Variants in HCK observed in about 807,000 individuals in gnomAD.
The protein encoded by HCK is tyrosine-protein kinase HCK.
Under a neutral mutation model 70.4 loss-of-function variants are expected in HCK, and 40 were observed. That is an observed-to-expected ratio of 0.57 (90% CI 0.44 to 0.74). The LOEUF (loss-of-function observed/expected upper bound fraction) is 0.74. HCK is among the 30% of genes least tolerant of loss of function. The probability of loss-of-function intolerance (pLI) is 0.00; values close to 1 mark genes in which losing one functional copy is unlikely to be tolerated. For synonymous variants in HCK, 245 were observed against 263.2 expected (o/e 0.93, Z 0.67); for missense variants, 568 against 697.2 (o/e 0.81, Z 2.09).
At chr20:32,083,823 G>A (rs1027258135) in intron 6 of HCK, 71 bp from the exon 7 acceptor site, 27 of 1,563,168 alleles carry the variant, frequency 1.7e-5, no homozygotes, top group Admixed American at 3.3e-5. Context: ...CTTACAGGGT[G>A]TCAGAGTGCT....
intron 9 of HCK, 62 bp downstream of exon 9, chr20:32,086,869 G>A (rs1485032861): frequency 2.1e-6 from 3 of 1,451,970 alleles, no homozygotes; most frequent in East Asian, 2.6e-5. Flanking sequence ...GCGGGCCCAA[G>A]GGTGGCTTGG....
intron 6 of HCK, among the ~76,000 whole-genome samples, chr20:32,081,323 A>G (rs190287724): frequency 1.7e-3 from 254 of 152,280 alleles, no homozygotes; most frequent in Non-Finnish European, 3.0e-3. Context: ...GATTGGGTGC[A>G]TGGATGGCAA....
intron 5 of HCK, among the ~76,000 whole-genome samples, chr20:32,077,179 G>A (rs1316993821): frequency 2.6e-5 from 4 of 152,182 alleles, no homozygotes; most frequent in Non-Finnish European, 5.9e-5. Context: ...TGCTAACAGA[G>A]GTTGCCTCTG....
chr20:32,064,358 A>T (rs1190038184), intron 1 of HCK, among the ~76,000 whole-genome samples: 1 of 152,186 alleles, frequency 6.6e-6, no homozygotes, highest in Non-Finnish European at 1.5e-5. Context: ...CCACCTCTAC[A>T]GCCAGGGGTT....
chr20:32,068,596 C>T (rs2045494242), intron 1 of HCK, among the ~76,000 whole-genome samples: 1 of 152,018 alleles, frequency 6.6e-6, no homozygotes, highest in Non-Finnish European at 1.5e-5. Context: ...ACATTTTACA[C>T]AAATTTGACT....
At chr20:32,068,239 G>C (rs1355083185) in intron 1 of HCK, among the ~76,000 whole-genome samples, 2 of 151,610 alleles carry the variant, frequency 1.3e-5, no homozygotes, top group South Asian at 4.2e-4. Flanking sequence ...CAGAGGTTGC[G>C]GTGAGTGGAG....
In HCK at chr20:32,052,430, G is replaced by C. The variant is rs975895205; in HGVS notation, c.6G>C (p.Gly2=). 5.5e-6 allele frequency: 7 copies of C among 1,283,084 alleles called. No individual in the cohort carries two copies. In the African/African-American group the frequency reaches 7.7e-5, roughly 14 times the overall value. 79.5% of individuals were successfully genotyped at this position (1,283,084 alleles called of 1,614,324 possible). ...GAACCTCAGGGGCTGCCGAGCTGGG[G>C]GGGCGCTCAAGCTGCGAGGATCCGG... Residue 2 remains glycine (G), a synonymous_variant, in exon 1 of 13, where the codon GGG becomes GGC. Coordinates refer to ENST00000375852, the MANE Select transcript of HCK (RefSeq NM_002110.5).
intron 1 of HCK, among the ~76,000 whole-genome samples, chr20:32,053,536 G>T (rs6121325): frequency 0.12 from 18,615 of 150,822 alleles, 1,278 homozygotes; most frequent in Non-Finnish European, 0.14. Flanking sequence ...TACTCGGGAG[G>T]CTGAGGCACG....
intron 4 of HCK, 123 bp downstream of exon 4, chr20:32,073,941 GA>G: frequency 1.6e-6 from 1 of 628,906 alleles, no homozygotes; most frequent in South Asian, 1.8e-5. Flanking sequence ...AATGTCTAAT[GA>G]GAAGCTAATC....
chr20:32,100,621 T>C lies in HCK; in HGVS notation c.1379-696T>C, dbSNP rs147325498. On this transcript the variant is annotated intron_variant, in intron 12 of 12. Transcript: ENST00000375852. ...CAAGTAAAGGAAGCACTTGAGTTCATGAGTTTGGAGTTTGAGACTAATAAT... is the reference window on the plus strand; with the variant it reads ...CAAGTAAAGGAAGCACTTGAGTTCACGAGTTTGGAGTTTGAGACTAATAAT... 1.5e-3 allele frequency among the ~76,000 whole-genome samples: 229 copies of C among 152,306 alleles called. 1 individual carries two copies. The highest frequency in any genetic ancestry group is 5.2e-3 in the African/African-American group (215 of 41,570).
chr20:32,096,328 C>A (rs988435503), intron 11 of HCK, among the ~76,000 whole-genome samples: 1 of 151,690 alleles, frequency 6.6e-6, no homozygotes, highest in African/African-American at 2.4e-5. Context: ...GAAACCCTGT[C>A]TCTACTAAAG....
chr20:32,074,250 A>G (rs1002965984), intron 4 of HCK, among the ~76,000 whole-genome samples: 2 of 151,536 alleles, frequency 1.3e-5, no homozygotes, highest in Non-Finnish European at 2.9e-5. Flanking sequence ...GCCTGGTCGG[A>G]CTCCCAAGCC....
intron 12 of HCK, 74 bp from the exon 13 acceptor site, chr20:32,101,243 G>A (rs2046028600): frequency 7.4e-7 from 1 of 1,357,438 alleles, no homozygotes; most frequent in Non-Finnish European, 1.0e-6. Context: ...CTGCTGGGGA[G>A]GCCACAGGGC....
At chr20:32,085,772 C>T (rs2045776465) in intron 8 of HCK, among the ~76,000 whole-genome samples, 1 of 151,956 alleles carries the variant, frequency 6.6e-6, no homozygotes, top group South Asian at 2.1e-4. Flanking sequence ...TGCCAAATCC[C>T]TGTGGTGGGA....
chr20:32,085,961 G>A (rs1394654447), intron 8 of HCK, among the ~76,000 whole-genome samples: 1 of 152,172 alleles, frequency 6.6e-6, no homozygotes, highest in African/African-American at 2.4e-5. Flanking sequence ...AGTGGGCGGT[G>A]TATGTGTGTG....
intron 1 of HCK, among the ~76,000 whole-genome samples, chr20:32,064,875 A>G (rs2045433469): frequency 6.6e-6 from 1 of 152,236 alleles, no homozygotes; most frequent in Non-Finnish European, 1.5e-5. Context: ...TCAGGTTCCC[A>G]GGGACGGCAG....
At chr20:32,090,164 G>A (rs2045845082) in intron 10 of HCK, among the ~76,000 whole-genome samples, 1 of 152,248 alleles carries the variant, frequency 6.6e-6, no homozygotes, top group Admixed American at 6.5e-5. Flanking sequence ...AGACTGGTCT[G>A]TTGCTAAATT....
At chr20:32,092,003 A>G (rs1020708448) in intron 10 of HCK, among the ~76,000 whole-genome samples, 1 of 151,832 alleles carries the variant, frequency 6.6e-6, no homozygotes. Flanking sequence ...AGAAGAAAGA[A>G]AAGAAAAAAG....
chr20:32,073,373 C>G lies in HCK; in HGVS notation c.226+12C>G, dbSNP rs73906729. 6.2e-7 allele frequency: 1 copy of G among 1,609,312 alleles called. No individual in the cohort carries two copies. Among genetic ancestry groups the G allele is most frequent in the Non-Finnish European group, 8.5e-7 (1 of 1,177,578 alleles). On this transcript the variant is annotated intron_variant, in intron 3 of 12. Transcript: ENST00000375852. ...AGGAATCAGGGAGGGTAAGTATCTA[C>G]GAGCAGATGCAGTGGAGTCATGTGT...
Sources: gnomAD v4.1 joint callset for allele counts (sites outside exome capture counted in the v4.1 genomes callset) on GRCh38, gnomAD v4.1.1 for gene constraint, MANE v1.5 for transcripts, NCBI Gene and HGNC (gene_info 2026-07-23, HGNC 2026-07-21) for gene names.